CYP2C8: variants seen among roughly 807,000 people sequenced by gnomAD.
The protein encoded by CYP2C8 is cytochrome P450 2C8.
Under a neutral mutation model 41.3 loss-of-function variants are expected in CYP2C8, and 51 were observed. The ratio of observed to expected loss-of-function variants is 1.24; its 90% CI spans 0.99 to 1.56. The LOEUF (loss-of-function observed/expected upper bound fraction) is 1.56, where lower values mean the gene tolerates loss of function less well. Ranked by LOEUF, CYP2C8 falls within the 40% of genes most tolerant of loss-of-function variation. The pLI is 0.00. For missense variants in CYP2C8, 651 were observed against 579.9 expected, an observed-to-expected ratio of 1.12 and a Z score of -1.26; for synonymous variants, 218 against 205.8, an observed-to-expected ratio of 1.06 and a Z score of -0.51.
intron 8 of CYP2C8, among the ~76,000 whole-genome samples, chr10:95,038,036 G>T (rs1205552308): frequency 2.0e-5 from 3 of 152,140 alleles, no homozygotes; most frequent in African/African-American, 7.2e-5. Context: ...TTGAAGGAAG[G>T]TCTCTGTCCT....
chr10:95,039,236 T>C (rs1589435706), intron 7 of CYP2C8, 198 bp from the exon 8 acceptor site: 1 of 583,930 alleles, frequency 1.7e-6, no homozygotes, highest in East Asian at 3.0e-5. Flanking sequence ...TTTGAAGTCT[T>C]ACATCTTGGA....
At position 95,061,772 on chromosome 10, in the gene CYP2C8, T is replaced by C. The variant is rs375436088; in HGVS notation, c.642+3028A>G. Among the ~76,000 whole-genome samples, 5 of 152,242 alleles carry C rather than the reference T, an allele frequency of 3.3e-5. No individual in the cohort carries two copies. In the East Asian group the frequency reaches 5.8e-4, roughly 18 times the overall value. On this transcript the variant is annotated intron_variant, in intron 4 of 8. Transcript: ENST00000371270. ...GATCTTTCCTGCTTTCTCTTGTGGGTATTTAGTGCTATAAATTTCCCTCTA... is the reference window on the plus strand; with the variant it reads ...GATCTTTCCTGCTTTCTCTTGTGGGCATTTAGTGCTATAAATTTCCCTCTA...
Position 95,037,177 on chromosome 10 carries a change from C to T in CYP2C8, c.1424G>A (p.Gly475Glu), listed in dbSNP as rs868818549. The T allele has an allele frequency of 6.2e-7, 1 of 1,613,894 alleles. No homozygotes were observed. The change falls in exon 9 of 9, where the codon GGG (glycine) becomes GAG (glutamate). Residue 475 changes from glycine (G) to glutamate (E), a missense_variant. By Grantham distance (98) the Gly-to-Glu change is moderately conservative. Transcript: ENST00000371270. ...KNLNTTAVTK[G>E]IVSLPPSYQI... ...GTATGAGGGTGGCAGAGAAACAATCCCTTTGGTAACTGCAGTAGTATTGAG... is the reference window on the plus strand; with the variant it reads ...GTATGAGGGTGGCAGAGAAACAATCTCTTTGGTAACTGCAGTAGTATTGAG...
chr10:95,055,425 C>T (rs548630468), intron 5 of CYP2C8, among the ~76,000 whole-genome samples: 2 of 152,238 alleles, frequency 1.3e-5, no homozygotes, highest in Admixed American at 6.5e-5. Context: ...TGGGTAGCCA[C>T]ATACAAAAGA....
rs1232861571 is a variant in CYP2C8, at chr10:95,038,769, G to A, written c.1291+128C>T. 8 of 849,572 alleles carry A rather than the reference G, an allele frequency of 9.4e-6. No individual in the cohort carries two copies. In the African/African-American group the frequency reaches 1.2e-4, roughly 12 times the overall value. The allele number at this position is 849,572 out of a possible 1,614,324, so 52.6% of individuals were successfully genotyped here. A position where few individuals can be genotyped will look rare whatever the true frequency, so the allele number is the denominator to read the frequency against. ...TGAGGGTGGAGCACATGGGTGTTAA[G>A]AGTGGTGCTCTTGATCATGGACAAA... On this transcript the variant is annotated intron_variant, in intron 8 of 8. Coordinates refer to ENST00000371270, the MANE Select transcript of CYP2C8 (RefSeq NM_000770.3).
At chr10:95,049,872 G>A (rs946009962) in intron 5 of CYP2C8, among the ~76,000 whole-genome samples, 8 of 136,038 alleles carry the variant, frequency 5.9e-5, no homozygotes, top group Non-Finnish European at 1.1e-4. Flanking sequence ...GGAGTGGGGG[G>A]CTTGAATAGC....
At chr10:95,067,831 C>A in intron 1 of CYP2C8, 140 bp from the exon 2 acceptor site, 1 of 962,022 alleles carries the variant, frequency 1.0e-6, no homozygotes, top group Non-Finnish European at 1.6e-6. Flanking sequence ...GAATTTTGTA[C>A]ATAAATGTGA....
rs746066024 is a variant in CYP2C8 at position 95,064,977 on chromosome 10, T to G, written c.482-17A>C. 1 of 1,442,436 alleles carries G rather than the reference T, an allele frequency of 6.9e-7. No individual in the cohort carries two copies. Among genetic ancestry groups the G allele is most frequent in the South Asian group, 1.8e-5 (1 of 55,478 alleles). 89.4% of individuals were successfully genotyped at this position (1,442,436 alleles called of 1,614,324 possible). A position where few individuals can be genotyped will look rare whatever the true frequency, so the allele number is the denominator to read the frequency against. On this transcript the variant is annotated splice_polypyrimidine_tract_variant and intron_variant, in intron 3 of 8. Transcript: ENST00000371270. ...AGGGTGAAGCTAAAGATTTAAAAATTTTTAAAAAAATTATTAAAAAATAAA... is the reference window on the plus strand; with the variant it reads ...AGGGTGAAGCTAAAGATTTAAAAATGTTTAAAAAAATTATTAAAAAATAAA...
rs1211108109 is a variant in CYP2C8 at position 95,041,028 on chromosome 10, C to A, written c.1149+1862G>T. 3 of 454,686 alleles carry A rather than the reference C, an allele frequency of 6.6e-6. No homozygotes were observed. The Admixed American group carries it at 7.1e-5, about 11-fold the overall frequency. The allele number at this position is 454,686 out of a possible 1,614,324, so 28.2% of individuals were successfully genotyped here. Reference sequence around the variant, plus strand: ...ATCTTATGAATACAGAAGTCCTGAACAATAAGTAACAGAACAAATCCAGCT... The same window carrying A: ...ATCTTATGAATACAGAAGTCCTGAAAAATAAGTAACAGAACAAATCCAGCT... On this transcript the variant is annotated intron_variant, in intron 7 of 8. Coordinates refer to ENST00000371270, the MANE Select transcript of CYP2C8 (RefSeq NM_000770.3).
intron 6 of CYP2C8, among the ~76,000 whole-genome samples, chr10:95,044,868 A>T (rs2134412776): frequency 6.6e-6 from 1 of 152,316 alleles, no homozygotes. Context: ...GACACAGATT[A>T]GCTTCTCCTC....
chr10:95,055,385 C>T (rs937700001), intron 5 of CYP2C8, among the ~76,000 whole-genome samples: 4 of 152,172 alleles, frequency 2.6e-5, no homozygotes, highest in East Asian at 3.9e-4. Flanking sequence ...ATAAAGGAAG[C>T]GTTTCTTCAA....
chr10:95,059,230 T>C (rs1217590912), intron 4 of CYP2C8, among the ~76,000 whole-genome samples: 2 of 152,288 alleles, frequency 1.3e-5, no homozygotes, highest in East Asian at 1.9e-4. Flanking sequence ...CTGTCTTTCA[T>C]AATGGTTGAA....
intron 8 of CYP2C8, among the ~76,000 whole-genome samples, chr10:95,037,542 T>A (rs1480045594): frequency 6.6e-6 from 1 of 152,222 alleles, no homozygotes; most frequent in East Asian, 1.9e-4. Context: ...ACATCTAATC[T>A]CAATAGGCAC....
At chr10:95,045,487 T>C (rs1470276383) in intron 6 of CYP2C8, among the ~76,000 whole-genome samples, 1 of 152,204 alleles carries the variant, frequency 6.6e-6, no homozygotes, top group Admixed American at 6.5e-5. Context: ...CAAAGTGGAC[T>C]TTTCATAATA....
chr10:95,058,765 G>T (rs1023364176), intron 4 of CYP2C8, among the ~76,000 whole-genome samples: 3 of 151,992 alleles, frequency 2.0e-5, no homozygotes, highest in South Asian at 4.2e-4. Context: ...TATACATTAG[G>T]TATATCTCCC....
At chr10:95,055,520 T>C (rs550885782) in intron 5 of CYP2C8, among the ~76,000 whole-genome samples, 3 of 122,408 alleles carry the variant, frequency 2.5e-5, no homozygotes, top group East Asian at 4.3e-4. Flanking sequence ...AACTATACAA[T>C]TCTTAGAATA....
intron 6 of CYP2C8, among the ~76,000 whole-genome samples, chr10:95,043,308 A>T (rs1306127251): frequency 6.6e-6 from 1 of 152,242 alleles, no homozygotes; most frequent in African/African-American, 2.4e-5. Flanking sequence ...AAATTAGCAT[A>T]TATGACAATA....
intron 1 of CYP2C8, chr10:95,068,642 A>G (rs190031904): frequency 1.0e-5 from 13 of 1,286,420 alleles, no homozygotes; most frequent in African/African-American, 1.5e-5. Context: ...TGAAACAAAG[A>G]GGAGAAACAG....
intron 6 of CYP2C8, among the ~76,000 whole-genome samples, chr10:95,044,558 G>A (rs2033070650): frequency 6.6e-6 from 1 of 152,100 alleles, no homozygotes; most frequent in Non-Finnish European, 1.5e-5. Flanking sequence ...ATGTCAGGAA[G>A]CAAGATGAAG....
Sources: allele counts gnomAD v4.1 joint callset (sites outside exome capture counted in the v4.1 genomes callset), GRCh38; gene constraint gnomAD v4.1.1; transcripts MANE v1.5; gene names NCBI Gene and HGNC (gene_info 2026-07-23, HGNC 2026-07-21).